VPS53: variants seen among roughly 807,000 people sequenced by gnomAD.
VPS53 encodes the protein VPS53 subunit of GARP complex.
In VPS53, 70 loss-of-function variants were observed where a neutral mutation model predicts 107.0. That is an observed-to-expected ratio of 0.65 (90% CI 0.54 to 0.80). The LOEUF (loss-of-function observed/expected upper bound fraction) is 0.80, where lower values mean the gene tolerates loss of function less well. Ranked by LOEUF, VPS53 falls within the 30% of genes least tolerant of loss-of-function variation. VPS53 has a pLI of 0.00. For missense variants in VPS53, 917 were observed against 1,049.4 expected (o/e 0.87, Z 1.74); for synonymous variants, 409 against 393.3 (o/e 1.04, Z -0.47).
chr17:545,607 G>A (rs562502739), intron 17 of VPS53, among the ~76,000 whole-genome samples: 2 of 152,334 alleles, frequency 1.3e-5, no homozygotes, highest in African/African-American at 4.8e-5. Context: ...GGTCAAAAGT[G>A]TGTTTGTGGT....
chr17:633,837 C>T (rs1030923298), intron 7 of VPS53, among the ~76,000 whole-genome samples: 2 of 152,176 alleles, frequency 1.3e-5, no homozygotes, highest in Non-Finnish European at 2.9e-5. Context: ...AATTGTACTT[C>T]GGAGCTTCTT....
chr17:568,663 G>C (rs2165843), intron 13 of VPS53, among the ~76,000 whole-genome samples: 31,863 of 152,208 alleles, frequency 0.21, 4,098 homozygotes, highest in Non-Finnish European at 0.29. Flanking sequence ...CCAAGGTGTG[G>C]CTTGAGCACA....
At chr17:631,736 G>T in intron 7 of VPS53, 108 bp from the exon 8 acceptor site, 1 of 962,318 alleles carries the variant, frequency 1.0e-6, no homozygotes. Context: ...GGCCAGGAAG[G>T]GTACAGAGAC....
intron 13 of VPS53, among the ~76,000 whole-genome samples, chr17:570,192 C>G (rs1018667971): frequency 1.3e-5 from 2 of 151,578 alleles, no homozygotes; most frequent in Non-Finnish European, 2.9e-5. Context: ...CATGGCAAAA[C>G]CCTGTCTCTA....
At chr17:686,326 G>GAA (rs893284896) in intron 4 of VPS53, among the ~76,000 whole-genome samples, 1 of 149,834 alleles carries the variant, frequency 6.7e-6, no homozygotes, top group Admixed American at 6.6e-5. Context: ...TCTCTAAGAA[G>GAA]AAAAAAAAGA....
chr17:563,326 G>A (rs992356341), intron 13 of VPS53, among the ~76,000 whole-genome samples: 92 of 112,408 alleles, frequency 8.2e-4, no homozygotes, highest in Middle Eastern at 0.01. Context: ...ACAGAGTCTT[G>A]CTCTGTTGGC....
intron 4 of VPS53, among the ~76,000 whole-genome samples, chr17:682,915 G>GAAA (rs1972454271): frequency 6.6e-6 from 1 of 152,182 alleles, no homozygotes; most frequent in Non-Finnish European, 1.5e-5. Flanking sequence ...GAATCTGGTA[G>GAAA]AAAAGGTGTT....
At chr17:581,261 C>A (rs1001476040) in intron 13 of VPS53, among the ~76,000 whole-genome samples, 5 of 150,188 alleles carry the variant, frequency 3.3e-5, no homozygotes, top group Non-Finnish European at 7.4e-5. Context: ...GATCTCAATT[C>A]GTTTCCAGAG....
At chr17:646,870 C>T (rs1401432303) in intron 7 of VPS53, among the ~76,000 whole-genome samples, 55 of 108,562 alleles carry the variant, frequency 5.1e-4, no homozygotes, top group African/African-American at 1.1e-3. Flanking sequence ...GACTGGAGAT[C>T]GGCTCCCACA....
intron 7 of VPS53, among the ~76,000 whole-genome samples, chr17:640,101 G>A (rs564368177): frequency 5.9e-5 from 9 of 152,278 alleles, no homozygotes; most frequent in South Asian, 4.1e-4. Context: ...CAGCAATGGC[G>A]GGCGCCCCTC....
chr17:607,226 C>T (rs1277996352), intron 11 of VPS53, among the ~76,000 whole-genome samples: 1 of 152,138 alleles, frequency 6.6e-6, no homozygotes, highest in East Asian at 1.9e-4. Flanking sequence ...AAAAGAATTT[C>T]TATTAACCAT....
At chr17:554,481 G>A (rs1184846512) in intron 15 of VPS53, among the ~76,000 whole-genome samples, 2 of 152,060 alleles carry the variant, frequency 1.3e-5, no homozygotes, top group Non-Finnish European at 2.9e-5. Context: ...TTGGCTCACT[G>A]CAACCTCTGC....
intron 11 of VPS53, among the ~76,000 whole-genome samples, chr17:610,811 T>G (rs1226351754): frequency 1.3e-5 from 2 of 149,028 alleles, no homozygotes; most frequent in African/African-American, 4.9e-5. Context: ...GGTGCTGCGC[T>G]CCTGTGGTCC....
chr17:560,568 G>A lies in VPS53; in HGVS notation c.1562C>T (p.Thr521Ile), dbSNP rs983643595. ...KILSGNLPKT[T>I]TSSGGLTISS... The stretch of plus-strand genomic sequence containing the variant: ...GATAGTCAGTCCTCCACTGCTGGTT[G>A]TGGTTCTGAAGAAAAGGAACAGGAA... Residue 521 changes from threonine (T) to isoleucine (I), a missense_variant, in exon 15 of 22, where the codon ACA becomes ATA. Coordinates refer to ENST00000437048, the MANE Select transcript of VPS53 (RefSeq NM_001128159.3). 6.2e-7 allele frequency: 1 copy of A among 1,613,628 alleles called. No individual in the cohort carries two copies. Among genetic ancestry groups the A allele is most frequent in the African/African-American group, 1.3e-5 (1 of 75,014 alleles).
At chr17:666,482 G>A (rs923688105) in intron 4 of VPS53, among the ~76,000 whole-genome samples, 1 of 152,160 alleles carries the variant, frequency 6.6e-6, no homozygotes, top group African/African-American at 2.4e-5. Flanking sequence ...TGACCAATAT[G>A]ATGAAACCCT....
chr17:615,831 G>A (rs957224696), intron 11 of VPS53, among the ~76,000 whole-genome samples: 4 of 152,234 alleles, frequency 2.6e-5, no homozygotes, highest in Admixed American at 6.5e-5. Context: ...TAGACTGGGG[G>A]TCAGGACAGC....
intron 12 of VPS53, among the ~76,000 whole-genome samples, chr17:588,452 T>A (rs570422136): frequency 2.6e-5 from 4 of 152,282 alleles, no homozygotes; most frequent in East Asian, 1.9e-4. Context: ...TTCTGGCCTT[T>A]AAAAAAATTT....
intron 11 of VPS53, among the ~76,000 whole-genome samples, chr17:612,363 TCA>T (rs1968926244): frequency 8.7e-6 from 1 of 114,338 alleles, no homozygotes; most frequent in Non-Finnish European, 2.0e-5. Flanking sequence ...CATAGTGAGT[TCA>T]CACAGTGAAA....
At chr17:678,095 G>A (rs1002414301) in intron 4 of VPS53, among the ~76,000 whole-genome samples, 2 of 151,854 alleles carry the variant, frequency 1.3e-5, no homozygotes, top group South Asian at 2.1e-4. Context: ...CACTGAAGCC[G>A]AGGTGACACA....
Sources: allele counts gnomAD v4.1 joint callset (sites outside exome capture counted in the v4.1 genomes callset), GRCh38; gene constraint gnomAD v4.1.1; transcripts MANE v1.5; gene names NCBI Gene and HGNC (gene_info 2026-07-23, HGNC 2026-07-21).